The following ATP11C variants were observed in gnomAD, a reference collection of about 807,000 sequenced individuals.
ATP11C encodes ATPase phospholipid transporting 11C (ATP11C blood group).
Under a neutral mutation model 97.4 loss-of-function variants are expected in ATP11C, and 36 were observed. The observed-to-expected ratio is 0.37, with a 90% confidence interval of 0.28 to 0.49. The LOEUF (loss-of-function observed/expected upper bound fraction) is 0.49. Ranked by LOEUF, ATP11C falls within the 20% of genes least tolerant of loss-of-function variation. ATP11C has a pLI of 0.98. For missense variants in ATP11C, 730 were observed against 824.6 expected (o/e 0.89, Z 1.40); for synonymous variants, 275 against 290.9 (o/e 0.95, Z 0.56).
intron 1 of ATP11C, among the ~76,000 whole-genome samples, chrX:139,920,350 CAA>C (rs765081033): frequency 3.7e-4 from 21 of 56,697 alleles, no homozygotes; most frequent in Non-Finnish European, 3.1e-4. Context: ...GACTCCACCT[CAA>C]AAAAAAAAAA....
intron 22 of ATP11C, among the ~76,000 whole-genome samples, chrX:139,760,898 G>A (rs1981508120): frequency 8.9e-6 from 1 of 111,979 alleles, no homozygotes; most frequent in Non-Finnish European, 1.9e-5. Context: ...GGTTTCTTTT[G>A]GAAATGATAG....
intron 1 of ATP11C, among the ~76,000 whole-genome samples, chrX:139,921,182 C>T (rs1170435833): frequency 9.0e-6 from 1 of 111,354 alleles, no homozygotes; most frequent in African/African-American, 3.3e-5. Flanking sequence ...AGCATGGTGT[C>T]GTGATGAACT....
chrX:139,755,405 T>C (rs1195792580), intron 23 of ATP11C, among the ~76,000 whole-genome samples: 1 of 112,093 alleles, frequency 8.9e-6, no homozygotes. Flanking sequence ...AATGGTCATA[T>C]TGCCCCAGGC....
chrX:139,813,443 G>A (rs1360144937), intron 5 of ATP11C, among the ~76,000 whole-genome samples: 4 of 112,148 alleles, frequency 3.6e-5, no homozygotes, highest in Non-Finnish European at 7.5e-5. Flanking sequence ...AATTGAAAAT[G>A]TATGTCCATA....
At chrX:139,761,678 T>C (rs1001500666) in intron 22 of ATP11C, among the ~76,000 whole-genome samples, 2 of 111,411 alleles carry the variant, frequency 1.8e-5, no homozygotes, top group Admixed American at 9.5e-5. Context: ...TGTATACATT[T>C]GGCAAAACTC....
At position 139,768,217 on chromosome X, in the gene ATP11C, T is replaced by C. The variant is rs185214661; in HGVS notation, c.2391+43A>G. On this transcript the variant is annotated intron_variant, in intron 20 of 29. Transcript: ENST00000682941. ...AAATAAACATTTGCACATATATGTA[T>C]AGAAGTATCCAGAATGGAACGTTAA... is the stretch of plus-strand genomic sequence containing the variant. 1.7e-4 allele frequency: 164 copies of C among 949,356 alleles called. 1 individual carries two copies. Among genetic ancestry groups the C allele is most frequent in the African/African-American group, 1.5e-3 (75 of 50,181 alleles). 78.2% of individuals were successfully genotyped at this position (949,356 alleles called of 1,213,427 possible).
Position 139,728,840 on chromosome X carries a change from T to C in ATP11C, c.*126A>G, listed in dbSNP as rs1327113471. 2.2e-6 allele frequency: 2 copies of C among 900,610 alleles called. No individual in the cohort carries two copies. Among genetic ancestry groups the C allele is most frequent in the African/African-American group, 1.9e-5 (1 of 51,358 alleles). 74.2% of individuals were successfully genotyped at this position (900,610 alleles called of 1,213,427 possible). A position where few individuals can be genotyped will look rare whatever the true frequency, so the allele number is the denominator to read the frequency against. On this transcript the variant is annotated 3_prime_UTR_variant, in exon 30 of 30. Transcript: ENST00000682941. ...CTAGACATGAGAGTGGTTTAGTGTG[T>C]TGCGTATCAAGTATCCTGAGATGAT...
chrX:139,903,196 G>T (rs191956211), intron 1 of ATP11C, among the ~76,000 whole-genome samples: 1 of 111,496 alleles, frequency 9.0e-6, no homozygotes. Context: ...AAAACCAGGG[G>T]GTGGCCTGTG....
intron 1 of ATP11C, among the ~76,000 whole-genome samples, chrX:139,837,754 T>C (rs2083769795): frequency 8.9e-6 from 1 of 112,204 alleles, no homozygotes; most frequent in Non-Finnish European, 1.9e-5. Flanking sequence ...GGTGGACTGA[T>C]AGTCTGATTA....
intron 24 of ATP11C, among the ~76,000 whole-genome samples, chrX:139,747,321 C>T (rs1453895056): frequency 9.0e-6 from 1 of 111,584 alleles, no homozygotes; most frequent in Non-Finnish European, 1.9e-5. Flanking sequence ...ATATCACATT[C>T]AGTGGGGGAA....
At chrX:139,771,326 A>T (rs1390305480) in intron 19 of ATP11C, among the ~76,000 whole-genome samples, 1 of 111,539 alleles carries the variant, frequency 9.0e-6, no homozygotes, top group East Asian at 2.8e-4. Flanking sequence ...GCCATGTGGA[A>T]CTGTAAGTCC....
chrX:139,746,492 T>C (rs777783518), intron 24 of ATP11C, among the ~76,000 whole-genome samples: 5 of 112,027 alleles, frequency 4.5e-5, no homozygotes, highest in Non-Finnish European at 9.4e-5. Context: ...CAATCCTGGA[T>C]TGACTTGACT....
At chrX:139,766,627 C>T (rs765242106) in intron 20 of ATP11C, among the ~76,000 whole-genome samples, 1 of 110,999 alleles carries the variant, frequency 9.0e-6, no homozygotes, top group Non-Finnish European at 1.9e-5. Flanking sequence ...TGTGTGTGCG[C>T]GCGCACAGTA....
At chrX:139,773,303 TA>T (rs899086479) in intron 19 of ATP11C, among the ~76,000 whole-genome samples, 1 of 111,128 alleles carries the variant, frequency 9.0e-6, no homozygotes. Context: ...ATCAGCAGTG[TA>T]AAAACAGACT....
At chrX:139,776,132 G>T (rs1175417645) in intron 18 of ATP11C, among the ~76,000 whole-genome samples, 1 of 112,326 alleles carries the variant, frequency 8.9e-6, no homozygotes, top group African/African-American at 3.2e-5. Context: ...CATGGAGAGG[G>T]GTCATTTCCC....
chrX:139,764,206 A>T (rs937563507), intron 20 of ATP11C, among the ~76,000 whole-genome samples: 1 of 112,347 alleles, frequency 8.9e-6, no homozygotes, highest in African/African-American at 3.2e-5. Flanking sequence ...CTGGATGCCA[A>T]CTAAACTTTA....
intron 1 of ATP11C, among the ~76,000 whole-genome samples, chrX:139,931,124 G>A (rs2085425661): frequency 8.9e-6 from 1 of 112,170 alleles, no homozygotes; most frequent in African/African-American, 3.2e-5. Flanking sequence ...AGCACGGAAC[G>A]TAAATGGTCC....
At chrX:139,839,323 T>C (rs778846605) in intron 1 of ATP11C, among the ~76,000 whole-genome samples, 2 of 111,923 alleles carry the variant, frequency 1.8e-5, no homozygotes, top group East Asian at 5.6e-4. Context: ...ATAAAAAATA[T>C]AAATGTACTA....
intron 1 of ATP11C, among the ~76,000 whole-genome samples, chrX:139,923,065 C>T (rs940274521): frequency 6.2e-5 from 7 of 112,311 alleles, no homozygotes; most frequent in African/African-American, 2.3e-4. Context: ...GGATTACAGG[C>T]GTGAGCCACT....
Sources: allele counts gnomAD v4.1 joint callset (sites outside exome capture counted in the v4.1 genomes callset), GRCh38; gene constraint gnomAD v4.1.1; transcripts MANE v1.5; gene names NCBI Gene and HGNC (gene_info 2026-07-23, HGNC 2026-07-21).